SHC3: variants seen among roughly 807,000 people sequenced by gnomAD.
The protein encoded by SHC3 is SHC adaptor protein 3, also known as SHC-transforming protein 3.
A neutral mutation model predicts 60.4 loss-of-function variants in SHC3; 15 were observed. That is an observed-to-expected ratio of 0.25 (90% CI 0.17 to 0.38). The LOEUF is 0.38. SHC3 is among the 10% of genes least tolerant of loss of function. The probability of loss-of-function intolerance (pLI) is 1.00; values close to 1 mark genes in which losing one functional copy is unlikely to be tolerated. For synonymous variants in SHC3, 294 were observed against 325.9 expected (o/e 0.90, Z 1.05); for missense variants, 677 against 786.1 (o/e 0.86, Z 1.66).
At chr9:89,047,601 C>T (rs1824794705) in intron 7 of SHC3, among the ~76,000 whole-genome samples, 1 of 152,152 alleles carries the variant, frequency 6.6e-6, no homozygotes, top group South Asian at 2.1e-4. Context: ...GCAGACTTTT[C>T]TCCAGAGATA....
intron 1 of SHC3, among the ~76,000 whole-genome samples, chr9:89,172,982 C>T (rs1206476804): frequency 6.6e-6 from 1 of 152,182 alleles, no homozygotes; most frequent in Non-Finnish European, 1.5e-5. Flanking sequence ...AGTGTGCTTC[C>T]CTGGGCCCGT....
At chr9:89,105,290 T>C (rs756732999) in intron 2 of SHC3, among the ~76,000 whole-genome samples, 1 of 152,176 alleles carries the variant, frequency 6.6e-6, no homozygotes, top group Non-Finnish European at 1.5e-5. Context: ...TTCAGACTGT[T>C]CTAGCTCAAA....
chr9:89,057,537 AG>A (rs1824976060), intron 6 of SHC3, among the ~76,000 whole-genome samples: 1 of 152,128 alleles, frequency 6.6e-6, no homozygotes, highest in South Asian at 2.1e-4. Flanking sequence ...GGAATTATAA[AG>A]TAAAATGACC....
chr9:89,029,110 A>G (rs969195347), intron 11 of SHC3, among the ~76,000 whole-genome samples: 2 of 151,574 alleles, frequency 1.3e-5, no homozygotes, highest in African/African-American at 2.4e-5. Context: ...ACATAATTTC[A>G]AAGAACTGGA....
chr9:89,041,910 A>C, intron 10 of SHC3, 116 bp downstream of exon 10: 1 of 1,308,626 alleles, frequency 7.6e-7, no homozygotes, highest in Non-Finnish European at 1.0e-6. Flanking sequence ...GCTAATCATC[A>C]CCATTAACCA....
rs137967913 is a variant in SHC3, at chr9:89,093,289, T to C, written c.546-15386A>G. Reference sequence around the variant, plus strand: ...TTTGTACAGAATTGCATAGAATGGTTCCATTTACAGGAAATTCTAGAAAAG... The same window carrying C: ...TTTGTACAGAATTGCATAGAATGGTCCCATTTACAGGAAATTCTAGAAAAG... On this transcript the variant is annotated intron_variant, in intron 2 of 11. Transcript: ENST00000375835. Among the ~76,000 whole-genome samples the C allele has an allele frequency of 4.0e-3, 613 of 152,302 alleles. 6 individuals are homozygous for C. The highest frequency in any genetic ancestry group is 0.014 in the African/African-American group (594 of 41,572).
intron 6 of SHC3, among the ~76,000 whole-genome samples, chr9:89,055,330 G>C (rs751843624): frequency 1.3e-5 from 2 of 152,248 alleles, no homozygotes; most frequent in Non-Finnish European, 2.9e-5. Flanking sequence ...GCTGCAACAG[G>C]GCATCCAGTA....
intron 6 of SHC3, among the ~76,000 whole-genome samples, chr9:89,052,463 G>T (rs1447054141): frequency 6.6e-6 from 1 of 152,150 alleles, no homozygotes; most frequent in Non-Finnish European, 1.5e-5. Flanking sequence ...AGTCTATAAA[G>T]CATCAATTCT....
chr9:89,091,165 C>G (rs995422498), intron 2 of SHC3, among the ~76,000 whole-genome samples: 1 of 152,090 alleles, frequency 6.6e-6, no homozygotes, highest in Non-Finnish European at 1.5e-5. Flanking sequence ...TTGCACTGAA[C>G]AATATGTTAG....
In SHC3 at chr9:89,042,150, T is replaced by C; in HGVS notation, c.1236A>G (p.Lys412=). The C allele has an allele frequency of 6.4e-7, 1 of 1,552,504 alleles. No individual in the cohort carries two copies. Among genetic ancestry groups the C allele is most frequent in the Non-Finnish European group, 8.6e-7 (1 of 1,157,980 alleles). The change falls in exon 10 of 12, where the codon AAA becomes AAG. Residue 412 remains lysine (K), a synonymous_variant. Transcript: ENST00000375835. ...CTTCTCCCGTGGGGGCCACGTGCAGTTTCCCTTCTGGCGTGCTGTAGATGT... is the reference window on the plus strand; with the variant it reads ...CTTCTCCCGTGGGGGCCACGTGCAGCTTCCCTTCTGGCGTGCTGTAGATGT... ...SSDIYSTPEG[K]LHVAPTGEAP... is the part of the protein sequence containing the mutation.
intron 2 of SHC3, among the ~76,000 whole-genome samples, chr9:89,106,709 A>G (rs1780855163): frequency 6.6e-6 from 1 of 152,054 alleles, no homozygotes; most frequent in South Asian, 2.1e-4. Context: ...TATCCTCCCA[A>G]ATAGCCTCCT....
At chr9:89,058,512 T>G (rs1223565768) in intron 6 of SHC3, among the ~76,000 whole-genome samples, 1 of 132,634 alleles carries the variant, frequency 7.5e-6, no homozygotes, top group Non-Finnish European at 1.6e-5. Context: ...TAGTGGAGGA[T>G]GCGGTGGAGG....
At chr9:89,057,573 A>C (rs1824976774) in intron 6 of SHC3, among the ~76,000 whole-genome samples, 1 of 152,166 alleles carries the variant, frequency 6.6e-6, no homozygotes, top group Non-Finnish European at 1.5e-5. Flanking sequence ...GAGGATGTCC[A>C]AAACAGTGAT....
In SHC3 at chr9:89,111,871, G is replaced by T. The variant is rs554706669; in HGVS notation, c.545+685C>A. ...ACCTAAGCTCCTTGACCACAGAAATGTAGCAGTTTCACAGACTCTGTCCTA... is the reference window on the plus strand; with the variant it reads ...ACCTAAGCTCCTTGACCACAGAAATTTAGCAGTTTCACAGACTCTGTCCTA... On this transcript the variant is annotated intron_variant, in intron 2 of 11. Transcript: ENST00000375835. Among the ~76,000 whole-genome samples, 12 of 152,328 alleles carry T rather than the reference G, an allele frequency of 7.9e-5. No individual in the cohort carries two copies. In the South Asian group the frequency reaches 2.5e-3, roughly 32 times the overall value.
chr9:89,139,015 AG>A (rs1193767952), intron 1 of SHC3, among the ~76,000 whole-genome samples: 1 of 151,976 alleles, frequency 6.6e-6, no homozygotes, highest in Non-Finnish European at 1.5e-5. Context: ...ATTCCACAGC[AG>A]TAAAGCAAAA....
intron 11 of SHC3, among the ~76,000 whole-genome samples, chr9:89,032,381 G>A (rs1362655953): frequency 3.9e-5 from 6 of 152,088 alleles, no homozygotes; most frequent in Admixed American, 2.6e-4. Flanking sequence ...TGTGAATCAC[G>A]CCCACAGGAA....
chr9:89,114,207 A>C (rs1361166696), intron 1 of SHC3, among the ~76,000 whole-genome samples: 2 of 152,168 alleles, frequency 1.3e-5, no homozygotes, highest in African/African-American at 4.8e-5. Flanking sequence ...AAAAAAACCA[A>C]CGTGGCAGAG....
chr9:89,074,374 T>C (rs1415561888), intron 4 of SHC3, among the ~76,000 whole-genome samples: 1 of 152,150 alleles, frequency 6.6e-6, no homozygotes, highest in Non-Finnish European at 1.5e-5. Context: ...CCCCCCTGGA[T>C]ACTGCTCAAG....
intron 1 of SHC3, among the ~76,000 whole-genome samples, chr9:89,176,569 G>T (rs535255401): frequency 2.0e-5 from 3 of 152,234 alleles, no homozygotes; most frequent in African/African-American, 7.2e-5. Context: ...AGCTGTCAGG[G>T]ATTTTTGGTT....
Sources: allele counts gnomAD v4.1 joint callset (sites outside exome capture counted in the v4.1 genomes callset), GRCh38; gene constraint gnomAD v4.1.1; transcripts MANE v1.5; gene names NCBI Gene and HGNC (gene_info 2026-07-23, HGNC 2026-07-21).